The following FILIP1 variants were observed in gnomAD, a reference collection of about 807,000 sequenced individuals.
FILIP1 encodes filamin-A-interacting protein 1.
In FILIP1, 61 loss-of-function variants were observed where a neutral mutation model predicts 102.1. That is an observed-to-expected ratio of 0.60 (90% CI 0.49 to 0.74). FILIP1 has a LOEUF of 0.74. Ranked by LOEUF, FILIP1 falls within the 30% of genes least tolerant of loss-of-function variation. FILIP1 has a pLI of 0.00. For missense variants in FILIP1, 1,314 were observed against 1,441.2 expected (o/e 0.91, Z 1.43); for synonymous variants, 491 against 526.9 (o/e 0.93, Z 0.93).
chr6:75,476,835 T>C (rs1223336044), intron 1 of FILIP1, among the ~76,000 whole-genome samples: 1 of 152,156 alleles, frequency 6.6e-6, no homozygotes, highest in Admixed American at 6.5e-5. Context: ...TGTTAAAACC[T>C]AGAGTCATGA....
chr6:75,390,999 T>C (rs1776265822), intron 2 of FILIP1, among the ~76,000 whole-genome samples: 1 of 152,144 alleles, frequency 6.6e-6, no homozygotes, highest in Admixed American at 6.6e-5. Context: ...GGTCATACCC[T>C]AGTTTTTGCC....
intron 2 of FILIP1, among the ~76,000 whole-genome samples, chr6:75,412,861 CCTT>C (rs1482205643): frequency 1.3e-5 from 2 of 152,258 alleles, no homozygotes; most frequent in Non-Finnish European, 2.9e-5. Flanking sequence ...CCTTCATTAT[CCTT>C]CTCTTCACTG....
intron 2 of FILIP1, among the ~76,000 whole-genome samples, chr6:75,371,288 T>C (rs893949768): frequency 3.9e-5 from 6 of 152,194 alleles, no homozygotes; most frequent in African/African-American, 1.2e-4. Context: ...AAAGCCTATA[T>C]AGAGCTTGTT....
At position 75,308,773 on chromosome 6, in the gene FILIP1, C is replaced by A; in HGVS notation, c.3560G>T (p.Arg1187Leu). 6.2e-7 allele frequency: 1 copy of A among 1,613,946 alleles called. No homozygotes were observed. The change falls in exon 6 of 6, where the codon CGA becomes CTA. Residue 1187 changes from arginine (R) to leucine (L), a missense_variant. Coordinates refer to ENST00000237172, the MANE Select transcript of FILIP1 (RefSeq NM_015687.5). ...GAGNLTKFEP[R>L]AETQSMKIEL... is the part of the protein sequence containing the mutation. ...TATTTTCATAGACTGAGTCTCAGCT[C>A]GAGGCTCGAATTTGGTCAGATTTCC...
chr6:75,363,701 CTCGT>C (rs1416310313), intron 2 of FILIP1, among the ~76,000 whole-genome samples: 32 of 152,134 alleles, frequency 2.1e-4, no homozygotes, highest in Admixed American at 2.0e-3. Context: ...ATGTTTTGCA[CTCGT>C]TAGTAGGGTT....
At chr6:75,312,331 G>A (rs1773219948) in intron 5 of FILIP1, 66 bp downstream of exon 5, 2 of 1,490,304 alleles carry the variant, frequency 1.3e-6, no homozygotes, top group Admixed American at 1.9e-5. Flanking sequence ...TGTGGGTGCT[G>A]GGTAGTCTCA....
chr6:75,292,478 GTTATCACA>G (rs1772568247), exon 7 of FILIP1: 1 of 152,162 alleles, frequency 6.6e-6, no homozygotes, highest in African/African-American at 2.4e-5. Flanking sequence ...ACACACAGTT[GTTATCACA>G]TTAGTATGGA....
At chr6:75,441,654 G>T (rs1483010115) in intron 1 of FILIP1, among the ~76,000 whole-genome samples, 1 of 145,824 alleles carries the variant, frequency 6.9e-6, no homozygotes, top group Non-Finnish European at 1.5e-5. Flanking sequence ...CTGGCCGGGC[G>T]GGGGGCTGAC....
intron 4 of FILIP1, among the ~76,000 whole-genome samples, chr6:75,328,278 CCTT>C (rs1582351530): frequency 6.6e-6 from 1 of 151,806 alleles, no homozygotes; most frequent in East Asian, 1.9e-4. Context: ...ATTTTTAAGT[CCTT>C]ATTTTTTAGA....
At chr6:75,427,957 A>G (rs1777684625) in intron 1 of FILIP1, among the ~76,000 whole-genome samples, 1 of 152,184 alleles carries the variant, frequency 6.6e-6, no homozygotes, top group Admixed American at 6.5e-5. Flanking sequence ...ATTGAAATTA[A>G]AATAGAAGTA....
At chr6:75,407,961 C>A (rs1053684529) in intron 2 of FILIP1, among the ~76,000 whole-genome samples, 7 of 152,154 alleles carry the variant, frequency 4.6e-5, no homozygotes, top group African/African-American at 1.7e-4. Context: ...AGTACCATTT[C>A]TTTCAAACTT....
In FILIP1 at chr6:75,457,644, C is replaced by CTCTA. The variant is rs1554215209; in HGVS notation, c.-7+35769_-7+35770insTAGA. On this transcript the variant is annotated intron_variant, in intron 1 of 5. Transcript: ENST00000237172. The stretch of plus-strand genomic sequence containing the variant: ...TCTCTCTCTCTCTCTCTCTCTCTCT[C>CTCTA]TCTCGTTTCTGTTTTATCAATGCCC... Among the ~76,000 whole-genome samples the CTCTA allele has an allele frequency of 3.5e-4, 53 of 149,998 alleles. 3 individuals are homozygous for CTCTA. Among genetic ancestry groups the CTCTA allele is most frequent in the Middle Eastern group, 3.5e-3 (1 of 286 alleles).
intron 3 of FILIP1, chr6:75,357,072 C>G (rs1775028197): frequency 6.6e-6 from 1 of 152,158 alleles, no homozygotes; most frequent in South Asian, 2.1e-4. Context: ...CAACTCCTCC[C>G]AAAGGAAGGA....
intron 1 of FILIP1, among the ~76,000 whole-genome samples, chr6:75,446,143 T>C (rs1474692560): frequency 2.6e-5 from 4 of 152,152 alleles, no homozygotes; most frequent in African/African-American, 7.2e-5. Flanking sequence ...ATAGTTAGAT[T>C]CTCCTTAAGA....
intron 2 of FILIP1, among the ~76,000 whole-genome samples, chr6:75,393,234 A>C (rs1215471888): frequency 6.6e-6 from 1 of 152,210 alleles, no homozygotes; most frequent in Admixed American, 6.5e-5. Context: ...TTAAGTACAT[A>C]GAGATGGAAT....
downstream of FILIP1, among the ~76,000 whole-genome samples, chr6:75,305,722 A>G (rs2149537711): frequency 6.6e-6 from 1 of 152,250 alleles, no homozygotes; most frequent in East Asian, 1.9e-4. Context: ...AATTATTCTC[A>G]GGCAGTGAAG....
intron 2 of FILIP1, among the ~76,000 whole-genome samples, chr6:75,389,584 T>A (rs1041554974): frequency 1.3e-5 from 2 of 152,214 alleles, no homozygotes; most frequent in Non-Finnish European, 2.9e-5. Context: ...TTCGACTTCT[T>A]CCTGGTTTAG....
At chr6:75,348,366 TA>T (rs1290382531) in intron 4 of FILIP1, among the ~76,000 whole-genome samples, 1 of 152,192 alleles carries the variant, frequency 6.6e-6, no homozygotes, top group Non-Finnish European at 1.5e-5. Context: ...ATTAATACAA[TA>T]AAAAATATTT....
chr6:75,397,657 A>G lies in FILIP1; in HGVS notation c.276+17040T>C, dbSNP rs182347279. Among the ~76,000 whole-genome samples, 19 of 152,054 alleles carry G rather than the reference A, an allele frequency of 1.2e-4. No individual in the cohort carries two copies. In the East Asian group the frequency reaches 3.7e-3, roughly 29 times the overall value. On this transcript the variant is annotated intron_variant, in intron 2 of 5. Transcript: ENST00000237172. Reference sequence around the variant, plus strand: ...CCCATCTCAGGGCAGACCCATTTAAAGTTCAAAAACAGTAATGTTAAGATC... The same window carrying G: ...CCCATCTCAGGGCAGACCCATTTAAGGTTCAAAAACAGTAATGTTAAGATC...
Sources: allele counts gnomAD v4.1 joint callset (sites outside exome capture counted in the v4.1 genomes callset), GRCh38; gene constraint gnomAD v4.1.1; transcripts MANE v1.5; gene names NCBI Gene and HGNC (gene_info 2026-07-23, HGNC 2026-07-21).